Variants in SV2B observed in about 807,000 individuals in gnomAD.
SV2B encodes the protein solute carrier family 22 member B2.
A neutral mutation model predicts 73.9 loss-of-function variants in SV2B; 41 were observed. The ratio of observed to expected loss-of-function variants is 0.56; its 90% CI spans 0.43 to 0.72. The LOEUF is 0.72. Among genes scored for constraint, SV2B ranks in the 30% least tolerant of loss-of-function variants. The pLI, the probability that SV2B is intolerant of heterozygous loss-of-function variation, is 0.00. For synonymous variants in SV2B, 314 were observed against 314.2 expected (o/e 1.00, Z 0.01); for missense variants, 764 against 857.8 (o/e 0.89, Z 1.37).
At position 91,191,159 on chromosome 15, in the gene SV2B, G is replaced by T. The variant is rs144623822; in HGVS notation, c.-391-34714G>T. Among the ~76,000 whole-genome samples the T allele has an allele frequency of 6.2e-5, 9 of 145,504 alleles. No homozygotes were observed. The East Asian group carries it at 1.9e-3, about 31-fold the overall frequency. ...GGGCTCACTGCAACCTCCGCCTCCC[G>T]GGTTCAAGCGATTCTTCTGTCTCAG... On this transcript the variant is annotated intron_variant, in intron 1 of 12. Transcript: ENST00000394232.
intron 1 of SV2B, among the ~76,000 whole-genome samples, chr15:91,117,790 C>G (rs1443407533): frequency 2.6e-5 from 4 of 152,104 alleles, no homozygotes; most frequent in African/African-American, 9.7e-5. Flanking sequence ...AGTGACATGG[C>G]AAGAATGTGG....
chr15:91,107,510 A>G (rs940485056), intron 1 of SV2B, among the ~76,000 whole-genome samples: 1 of 151,824 alleles, frequency 6.6e-6, no homozygotes, highest in Non-Finnish European at 1.5e-5. Flanking sequence ...ACGGGGTTTT[A>G]CCATGTTGGC....
intron 1 of SV2B, among the ~76,000 whole-genome samples, chr15:91,217,595 C>T (rs16945369): frequency 0.27 from 40,816 of 152,168 alleles, 10,107 homozygotes; most frequent in African/African-American, 0.66. Flanking sequence ...AGCCACCAAA[C>T]TGCCAAAACA....
At position 91,118,359 on chromosome 15, in the gene SV2B, G is replaced by A. The variant is rs1332088807; in HGVS notation, c.-392+17996G>A. Among the ~76,000 whole-genome samples, 4 of 152,180 alleles carry A rather than the reference G, an allele frequency of 2.6e-5. No individual in the cohort carries two copies. The East Asian group carries it at 7.7e-4, about 29-fold the overall frequency. On this transcript the variant is annotated intron_variant, in intron 1 of 12. Coordinates refer to ENST00000394232, the MANE Select transcript of SV2B (RefSeq NM_001323032.3). This position sits in a 1 kb window ranked among gnomAD's most constrained non-coding sequence, Gnocchi z 4.7. ...GTGCCTCTTCTAGTCTGGAAATTTT[G>A]GCAGGCAGCTGATTTAATGGAGTAG...
At chr15:91,271,835 G>A (rs756227149) in intron 9 of SV2B, among the ~76,000 whole-genome samples, 4 of 152,250 alleles carry the variant, frequency 2.6e-5, no homozygotes, top group Admixed American at 6.5e-5. Flanking sequence ...GAATACACGC[G>A]TGTTCTTTGG....
intron 1 of SV2B, among the ~76,000 whole-genome samples, chr15:91,179,917 G>A (rs1037679942): frequency 6.6e-6 from 1 of 150,764 alleles, no homozygotes; most frequent in African/African-American, 2.4e-5. Flanking sequence ...TGTTATGTGT[G>A]AATTTGATCC....
Position 91,140,802 on chromosome 15 carries a change from C to T in SV2B, c.-392+40439C>T, listed in dbSNP as rs1298511445. Among the ~76,000 whole-genome samples the T allele has an allele frequency of 6.6e-6, 1 of 152,086 alleles. No homozygotes were observed. The highest frequency in any genetic ancestry group is 2.4e-5 in the African/African-American group (1 of 41,400). On this transcript the variant is annotated intron_variant, in intron 1 of 12. Transcript: ENST00000394232. This position sits in a 1 kb window ranked among gnomAD's most constrained non-coding sequence, Gnocchi z 4.4. ...CTGGCATGGCTCAGTGGCTGTTTAT[C>T]ACCTCTGTATTAAGGACAATAGGAT... is the stretch of plus-strand genomic sequence containing the variant.
intron 1 of SV2B, among the ~76,000 whole-genome samples, chr15:91,119,471 G>C (rs2042266982): frequency 6.6e-6 from 1 of 152,218 alleles, no homozygotes; most frequent in Non-Finnish European, 1.5e-5. Context: ...CTCGTTTCAA[G>C]CTTTGCGTTT....
At chr15:91,282,129 G>C (rs2048702200) in intron 10 of SV2B, among the ~76,000 whole-genome samples, 1 of 152,242 alleles carries the variant, frequency 6.6e-6, no homozygotes, top group African/African-American at 2.4e-5. Flanking sequence ...TCATGTCAGT[G>C]AGGCTGATGC....
At position 91,118,673 on chromosome 15, in the gene SV2B, A is replaced by G. The variant is rs997719302; in HGVS notation, c.-392+18310A>G. ...GCCCAAGAGGGCCGAGGTGAGGCTG[A>G]ACACTGTCTCAAGAAAACTTTATAC... On this transcript the variant is annotated intron_variant, in intron 1 of 12. Transcript: ENST00000394232. This position sits in a 1 kb window ranked among gnomAD's most constrained non-coding sequence, Gnocchi z 4.7. Among the ~76,000 whole-genome samples, 1 of 152,194 alleles carries G rather than the reference A, an allele frequency of 6.6e-6. No individual in the cohort carries two copies. The highest frequency in any genetic ancestry group is 2.4e-5 in the African/African-American group (1 of 41,454).
In SV2B at chr15:91,280,145, A is replaced by T. The variant is rs2141753118; in HGVS notation, c.1374-1583A>T. On this transcript the variant is annotated intron_variant, in intron 9 of 12. Coordinates refer to ENST00000394232, the MANE Select transcript of SV2B (RefSeq NM_001323032.3). This position sits in a 1 kb window ranked among gnomAD's most constrained non-coding sequence, Gnocchi z 5.8. ...TGGTCTGGGGTCCTGCTTTTGGTGAACACTTGCCCGGGACTTCTTGTGTGG... is the reference window on the plus strand; with the variant it reads ...TGGTCTGGGGTCCTGCTTTTGGTGATCACTTGCCCGGGACTTCTTGTGTGG... Among the ~76,000 whole-genome samples, 1 of 152,272 alleles carries T rather than the reference A, an allele frequency of 6.6e-6. No individual in the cohort carries two copies. The highest frequency in any genetic ancestry group is 2.4e-5 in the African/African-American group (1 of 41,526).
At chr15:91,257,639 T>C (rs916986517) in intron 4 of SV2B, among the ~76,000 whole-genome samples, 3 of 152,196 alleles carry the variant, frequency 2.0e-5, no homozygotes, top group Admixed American at 6.5e-5. Flanking sequence ...CCTGAACCCT[T>C]TGCGCTGGAA....
At chr15:91,142,792 A>G (rs2043034761) in intron 1 of SV2B, among the ~76,000 whole-genome samples, 1 of 152,248 alleles carries the variant, frequency 6.6e-6, no homozygotes, top group Non-Finnish European at 1.5e-5. Flanking sequence ...ATTCTTAATC[A>G]CTTATACTTC....
At position 91,174,892 on chromosome 15, in the gene SV2B, C is replaced by T. The variant is rs141228668; in HGVS notation, c.-391-50981C>T. Among the ~76,000 whole-genome samples the T allele has an allele frequency of 1.1e-3, 172 of 152,258 alleles. 1 individual carries two copies. Among genetic ancestry groups the T allele is most frequent in the African/African-American group, 4.0e-3 (166 of 41,548 alleles). On this transcript the variant is annotated intron_variant, in intron 1 of 12. Transcript: ENST00000394232. ...GAGAGAAGGTAAGCTCAGACCCCGTCGTCTTGGTCTGGGGTCCGGGAGACT... is the reference window on the plus strand; with the variant it reads ...GAGAGAAGGTAAGCTCAGACCCCGTTGTCTTGGTCTGGGGTCCGGGAGACT...
At chr15:91,230,841 C>G (rs943511284) in intron 2 of SV2B, among the ~76,000 whole-genome samples, 4 of 152,138 alleles carry the variant, frequency 2.6e-5, no homozygotes, top group Non-Finnish European at 4.4e-5. Flanking sequence ...ACACAAACAC[C>G]ACGACATAAT....
At chr15:91,228,864 C>A (rs902837060) in intron 2 of SV2B, among the ~76,000 whole-genome samples, 2 of 152,218 alleles carry the variant, frequency 1.3e-5, no homozygotes, top group African/African-American at 4.8e-5. Context: ...TTGAGGATTT[C>A]ATGAGGCCAG....
chr15:91,243,097 C>A (rs904718499), intron 2 of SV2B, among the ~76,000 whole-genome samples: 3 of 152,174 alleles, frequency 2.0e-5, no homozygotes, highest in African/African-American at 4.8e-5. Flanking sequence ...TCTTATGAGA[C>A]CCCTGGACTA....
At chr15:91,143,117 C>T (rs1443192337) in intron 1 of SV2B, among the ~76,000 whole-genome samples, 1 of 152,292 alleles carries the variant, frequency 6.6e-6, no homozygotes, top group East Asian at 1.9e-4. Context: ...CGGGTGGGTC[C>T]ACTCTCATGG....
intron 1 of SV2B, among the ~76,000 whole-genome samples, chr15:91,145,443 T>G (rs777513191): frequency 7.2e-5 from 11 of 152,220 alleles, no homozygotes; most frequent in Admixed American, 1.3e-4. Context: ...AATGCTGCAA[T>G]GAACATACAT....
Sources: allele counts gnomAD v4.1 joint callset (sites outside exome capture counted in the v4.1 genomes callset), GRCh38; gene constraint gnomAD v4.1.1; non-coding constraint Gnocchi (gnomAD v3.1); transcripts MANE v1.5; gene names NCBI Gene and HGNC (gene_info 2026-07-23, HGNC 2026-07-21).